FARP2: variants seen among roughly 807,000 people sequenced by gnomAD.
FARP2 encodes FERM, ARH/RhoGEF and pleckstrin domain protein 2.
Under a neutral mutation model 130.5 loss-of-function variants are expected in FARP2, and 111 were observed. The observed-to-expected ratio is 0.85, with a 90% confidence interval of 0.73 to 1.00. FARP2 has a LOEUF of 1.00. Among genes scored for constraint, FARP2 ranks in the 50% least tolerant of loss-of-function variants. The probability of loss-of-function intolerance (pLI) is 0.00; values close to 1 mark genes in which losing one functional copy is unlikely to be tolerated. For missense variants in FARP2, 1,385 were observed against 1,346.3 expected (o/e 1.03, Z -0.45); for synonymous variants, 504 against 516.9 (o/e 0.98, Z 0.34).
chr2:241,456,559 C>A, intron 13 of FARP2, 188 bp from the exon 14 acceptor site: 1 of 612,674 alleles, frequency 1.6e-6, no homozygotes, highest in Non-Finnish European at 2.9e-6. Context: ...GAACCATCAA[C>A]CCTCATTTTC....
chr2:241,413,454 T>G, intron 7 of FARP2, 33 bp downstream of exon 7: 1 of 1,379,112 alleles, frequency 7.3e-7, no homozygotes, highest in Non-Finnish European at 1.0e-6. Context: ...CAACACATTG[T>G]CACCACAGTA....
chr2:241,402,957 C>T (rs1288193627), intron 2 of FARP2, among the ~76,000 whole-genome samples: 1 of 116,634 alleles, frequency 8.6e-6, no homozygotes, highest in African/African-American at 3.4e-5. Flanking sequence ...TCCTGAACTC[C>T]TGTACTCAAG....
chr2:241,388,767 G>A (rs2061843884), intron 2 of FARP2, among the ~76,000 whole-genome samples: 1 of 152,116 alleles, frequency 6.6e-6, no homozygotes, highest in Admixed American at 6.5e-5. Flanking sequence ...GATCAAGGCT[G>A]CAGTGAGCCG....
chr2:241,442,348 A>G (rs2150418037), intron 13 of FARP2: 1 of 456,654 alleles, frequency 2.2e-6, no homozygotes, highest in Non-Finnish European at 4.4e-6. Context: ...CCCACCCACG[A>G]CGGCCGAGGA....
intron 22 of FARP2, 52 bp from the exon 23 acceptor site, chr2:241,491,001 AGGGCTGGG>A (rs2064879524): frequency 4.0e-5 from 54 of 1,342,996 alleles, no homozygotes; most frequent in Non-Finnish European, 5.8e-5. Context: ...CCCTCCCTTG[AGGGCTGGG>A]GCCCTACACA....
rs970839320 is a variant in FARP2, at chr2:241,367,976, TAC to T, written c.-24-5102_-24-5101del. 1.1e-4 allele frequency among the ~76,000 whole-genome samples: 16 copies of T among 151,774 alleles called. 1 individual carries two copies. The highest frequency in any genetic ancestry group is 3.6e-4 in the African/African-American group (15 of 41,178). ...TTTCCATATACCCTCCACCCCCACA[TAC>T]ACACAGCATCCCCTACTGTCAACAT... is the stretch of plus-strand genomic sequence containing the variant. On this transcript the variant is annotated intron_variant, in intron 1 of 26. Coordinates refer to ENST00000264042, the MANE Select transcript of FARP2 (RefSeq NM_014808.4).
intron 18 of FARP2, among the ~76,000 whole-genome samples, chr2:241,469,037 T>C (rs944796325): frequency 5.3e-5 from 8 of 152,160 alleles, no homozygotes; most frequent in Non-Finnish European, 8.8e-5. Flanking sequence ...ATGGGAACTT[T>C]ATGCTTATCA....
chr2:241,438,634 GTT>G (rs1207651322), intron 12 of FARP2, among the ~76,000 whole-genome samples: 1 of 127,836 alleles, frequency 7.8e-6, no homozygotes, highest in Non-Finnish European at 1.7e-5. Flanking sequence ...TTTTTTTTTT[GTT>G]TTTTTTTTTT....
chr2:241,377,904 A>G (rs1218371109), intron 2 of FARP2, among the ~76,000 whole-genome samples: 1 of 152,172 alleles, frequency 6.6e-6, no homozygotes, highest in Non-Finnish European at 1.5e-5. Flanking sequence ...TGGGAAATCT[A>G]GGTCTAATCA....
At position 241,407,031 on chromosome 2, in the gene FARP2, A is replaced by G. The variant is rs1213474418; in HGVS notation, c.332-506A>G. 2.0e-5 allele frequency among the ~76,000 whole-genome samples: 3 copies of G among 149,066 alleles called. 1 individual carries two copies. The highest frequency in any genetic ancestry group is 4.4e-5 in the Non-Finnish European group (3 of 67,424). ...CACTGTGTTGGCCAGGATGGTCTCGATCTCCTGACCTTGTGATCCGCCCCC... is the reference window on the plus strand; with the variant it reads ...CACTGTGTTGGCCAGGATGGTCTCGGTCTCCTGACCTTGTGATCCGCCCCC... On this transcript the variant is annotated intron_variant, in intron 4 of 26. Transcript: ENST00000264042.
chr2:241,493,323 C>G lies in FARP2; in HGVS notation c.2926C>G (p.Leu976Val). 1 of 1,613,958 alleles carries G rather than the reference C, an allele frequency of 6.2e-7. No homozygotes were observed. The highest frequency in any genetic ancestry group is 1.1e-5 in the South Asian group (1 of 91,078). ...CTACCCACTGGCCAGCCTCCCGCTGCTGGGCTACAGCGTGAGCATCCCCAG... is the reference window on the plus strand; with the variant it reads ...CTACCCACTGGCCAGCCTCCCGCTGGTGGGCTACAGCGTGAGCATCCCCAG... ...DDYPLASLPL[L>V]GYSVSIPREA... Residue 976 changes from leucine (L) to valine (V), a missense_variant, in exon 26 of 27, where the codon CTG (leucine) becomes GTG (valine). Physicochemically the swap from Leu to Val is conservative, Grantham distance 32. Transcript: ENST00000264042.
At position 241,491,822 on chromosome 2, in the gene FARP2, A is replaced by AAGTT. The variant is rs2064924905; in HGVS notation, c.2787+144_2787+147dup. 4 of 765,350 alleles carry AAGTT rather than the reference A, an allele frequency of 5.2e-6. No homozygotes were observed. In the South Asian group the frequency reaches 8.1e-5, roughly 15 times the overall value. 47.4% of individuals were successfully genotyped at this position (765,350 alleles called of 1,614,324 possible). A position where few individuals can be genotyped will look rare whatever the true frequency, so the allele number is the denominator to read the frequency against. On this transcript the variant is annotated intron_variant, in intron 24 of 26. Transcript: ENST00000264042. ...CTGCCTCTTACTCTCCCCTTGGTAG[A>AAGTT]AGTTGGTATGGAAAGTGCCCCTCAT...
chr2:241,448,797 C>T (rs956001884), intron 13 of FARP2, among the ~76,000 whole-genome samples: 12 of 152,228 alleles, frequency 7.9e-5, no homozygotes, highest in African/African-American at 2.7e-4. Flanking sequence ...AGAGCAGCAG[C>T]GGTGGCTCCA....
rs1199780071 is a variant in FARP2, at chr2:241,462,532, G to A, written c.1597G>A (p.Ala533Thr). Residue 533 changes from alanine (A) to threonine (T), a missense_variant, in exon 15 of 27, where the codon GCA becomes ACA. Coordinates refer to ENST00000264042, the MANE Select transcript of FARP2 (RefSeq NM_014808.4). ...CEEPRHKRVP[A>T]DEAYFIVKEI... ...TCTCTGCTTCTTTCAGCGCGTGCCT[G>A]CAGACGAGGCCTACTTCATAGTCAA... The A allele has an allele frequency of 1.2e-6, 2 of 1,613,348 alleles. No homozygotes were observed. Among genetic ancestry groups the A allele is most frequent in the Admixed American group, 3.3e-5 (2 of 60,024 alleles).
Position 241,437,670 on chromosome 2 carries a change from A to ATTTTTTTTTT in FARP2, c.1158+1135_1158+1144dup, listed in dbSNP as rs763025047. ...TATATATTTATTTATTTATTTATTT[A>ATTTTTTTTTT]TTTTTTTTTTTTGAGACGGAGTCTT... On this transcript the variant is annotated intron_variant, in intron 12 of 26. Transcript: ENST00000264042. Among the ~76,000 whole-genome samples, 8 of 133,122 alleles carry ATTTTTTTTTT rather than the reference A, an allele frequency of 6.0e-5. No individual in the cohort carries two copies. In the South Asian group the frequency reaches 9.3e-4, roughly 15 times the overall value. The allele number at this position is 133,122 out of a possible 152,430, so 87.3% of individuals were successfully genotyped here.
At chr2:241,466,689 ACCC>A (rs1185189860) in intron 17 of FARP2, 765 of 498,406 alleles carry the variant, frequency 1.5e-3, no homozygotes, top group Middle Eastern at 4.0e-3. Context: ...CCTTCCAACC[ACCC>A]CCCCCCCCAC....
intron 1 of FARP2, among the ~76,000 whole-genome samples, chr2:241,371,137 A>G (rs560862061): frequency 6.2e-4 from 94 of 152,356 alleles, no homozygotes; most frequent in African/African-American, 2.2e-3. Flanking sequence ...TTAAGTGTAC[A>G]GTAGGAAATG....
intron 14 of FARP2, among the ~76,000 whole-genome samples, chr2:241,457,416 G>GCGGGAGACCC (rs2063881978): frequency 7.0e-6 from 1 of 142,100 alleles, no homozygotes. Context: ...AGGCTCTTGG[G>GCGGGAGACCC]CAGGAGGCCC....
chr2:241,482,603 G>A lies in FARP2; in HGVS notation c.2263-862G>A, dbSNP rs1031661152. Among the ~76,000 whole-genome samples the A allele has an allele frequency of 1.1e-4, 16 of 152,194 alleles. 1 individual carries two copies. The highest frequency in any genetic ancestry group is 6.5e-5 in the Admixed American group (1 of 15,284). ...ATGACCACCTTCTTCATTGTGTGGGGTGGACGTTTCTGTTTGGGCTGGTTT... is the reference window on the plus strand; with the variant it reads ...ATGACCACCTTCTTCATTGTGTGGGATGGACGTTTCTGTTTGGGCTGGTTT... On this transcript the variant is annotated intron_variant, in intron 19 of 26. Transcript: ENST00000264042. The surrounding 1 kb of genome is among the most constrained non-coding windows in gnomAD (Gnocchi z 4.6).
Sources: gnomAD v4.1 joint callset for allele counts (sites outside exome capture counted in the v4.1 genomes callset) on GRCh38, gnomAD v4.1.1 for gene constraint, Gnocchi (gnomAD v3.1) non-coding constraint, MANE v1.5 for transcripts, NCBI Gene and HGNC (gene_info 2026-07-23, HGNC 2026-07-21) for gene names.